Variants in ABCF1 observed in about 807,000 individuals in gnomAD.
ABCF1 encodes ATP-binding cassette sub-family F member 1.
Under a neutral mutation model 126.3 loss-of-function variants are expected in ABCF1, and 73 were observed. That is an observed-to-expected ratio of 0.58 (90% CI 0.48 to 0.70). The LOEUF is 0.70. Among genes scored for constraint, ABCF1 ranks in the 30% least tolerant of loss-of-function variants. ABCF1 has a pLI of 0.00. For synonymous variants in ABCF1, 345 were observed against 396.4 expected, an observed-to-expected ratio of 0.87 and a Z score of 1.54; for missense variants, 786 against 1,057.5, an observed-to-expected ratio of 0.74 and a Z score of 3.56.
intron 1 of ABCF1, among the ~76,000 whole-genome samples, chr6:30,573,339 G>A (rs1279854698): frequency 6.6e-6 from 1 of 152,234 alleles, no homozygotes; most frequent in Non-Finnish European, 1.5e-5. Flanking sequence ...AAGAGATAAG[G>A]TGAACTTCTG....
rs759114992 is a variant in ABCF1 at position 30,590,693 on chromosome 6, C to T, written c.2530C>T (p.Arg844Ter). 5.9e-6 allele frequency: 9 copies of T among 1,534,530 alleles called. No homozygotes were observed. Among genetic ancestry groups the T allele is most frequent in the East Asian group, 4.7e-5 (2 of 42,392 alleles). ...ALGEVMVSRP[R>*]E ...GGGTGAAGTCATGGTCAGCCGGCCC[C>T]GAGAGTGAGCTTTCCTTCCCAGAAG... The change falls in exon 25 of 25, where the codon CGA (arginine) becomes TGA (stop). Residue 844 changes from arginine to a stop codon, truncating the protein, a stop_gained. Transcript: ENST00000326195. LOFTEE classifies it high-confidence loss of function.
In ABCF1 at chr6:30,586,369, T is replaced by C. The variant is rs1802133785; in HGVS notation, c.1885+64T>C. 6.2e-7 allele frequency: 1 copy of C among 1,603,064 alleles called. No individual in the cohort carries two copies. The highest frequency in any genetic ancestry group is 1.3e-5 in the African/African-American group (1 of 74,530). ...CGGAAGCATGTATGTGCACCCTAAA[T>C]TCTCCACCAAGGCTGAGATTGCTCC... On this transcript the variant is annotated intron_variant, in intron 18 of 24. Transcript: ENST00000326195. The surrounding 1 kb of genome is among the most constrained non-coding windows in gnomAD (Gnocchi z 4.9).
chr6:30,585,979 C>G lies in ABCF1; in HGVS notation c.1701C>G (p.Ser567=). The change falls in exon 17 of 25, where the codon TCC becomes TCG. Residue 567 remains serine (S), a synonymous_variant. Coordinates refer to ENST00000326195, the MANE Select transcript of ABCF1 (RefSeq NM_001025091.2). ...AGGAGCTGAAGGCAGGCGGGAAGTC[C>G]ACCAAGCAGGCGGTGAGCACCTGAG... The part of the protein sequence containing the change: ...KLKELKAGGK[S]TKQAEKQTKE... 6.2e-7 allele frequency: 1 copy of G among 1,609,970 alleles called. No individual in the cohort carries two copies. Among genetic ancestry groups the G allele is most frequent in the Non-Finnish European group, 8.5e-7 (1 of 1,177,864 alleles).
intron 7 of ABCF1, among the ~76,000 whole-genome samples, 170 bp downstream of exon 7, chr6:30,580,175 C>G (rs552223658): frequency 1.3e-5 from 2 of 151,898 alleles, no homozygotes; most frequent in Admixed American, 6.6e-5. Context: ...AAAACCCCGT[C>G]TCTACTAAAA....
intron 1 of ABCF1, among the ~76,000 whole-genome samples, chr6:30,576,276 CTTTTTTTTTTTTT>C (rs9256927): frequency 2.9e-3 from 129 of 44,164 alleles, no homozygotes; most frequent in African/African-American, 0.011. Context: ...TCTGAGTGCT[CTTTTTTTTTTTTT>C]TTTTTTTTTT....
rs143648554 is a variant in ABCF1 at position 30,589,717 on chromosome 6, G to A, written c.2061G>A (p.Arg687=). ...ATGGGGAAATGAGAAAGAACCACCG[G>A]CTGGTAAGTTGGCATTGGGATTTAG... ...PTHGEMRKNH[R]LKIGFFNQQY... Residue 687 remains arginine (R), a synonymous_variant, in exon 21 of 25, where the codon CGG becomes CGA. Transcript: ENST00000326195. The A allele has an allele frequency of 5.3e-4, 858 of 1,614,222 alleles. No individual in the cohort carries two copies. Among genetic ancestry groups the A allele is most frequent in the Non-Finnish European group, 6.9e-4 (811 of 1,180,042 alleles).
At chr6:30,587,322 G>A (rs1299398269) in intron 20 of ABCF1, among the ~76,000 whole-genome samples, 1 of 151,936 alleles carries the variant, frequency 6.6e-6, no homozygotes, top group Non-Finnish European at 1.5e-5. Context: ...GGAGGCTGAG[G>A]CAGGCAGATC....
chr6:30,573,374 G>A (rs1313398996), intron 1 of ABCF1, among the ~76,000 whole-genome samples: 2 of 152,222 alleles, frequency 1.3e-5, no homozygotes, highest in African/African-American at 4.8e-5. Context: ...CGTTTCTGAG[G>A]ATTTCTAAAA....
At chr6:30,590,120 G>A (rs1260967124) in intron 22 of ABCF1, 29 bp from the exon 23 acceptor site, 2 of 1,612,878 alleles carry the variant, frequency 1.2e-6, no homozygotes, top group African/African-American at 1.3e-5. Flanking sequence ...GGTGCTAGGT[G>A]TGACAGCCCT....
At chr6:30,573,866 T>C (rs1474978912) in intron 1 of ABCF1, among the ~76,000 whole-genome samples, 1 of 152,182 alleles carries the variant, frequency 6.6e-6, no homozygotes, top group Non-Finnish European at 1.5e-5. Flanking sequence ...AAAGTGAAGC[T>C]TGTGAATTAC....
At position 30,577,390 on chromosome 6, in the gene ABCF1, T is replaced by C; in HGVS notation, c.74-19T>C. ...GGAATTTGCAGATAAGCATTCACGATGTCCGCTTAACTTTCTAGACAAAGT... is the reference window on the plus strand; with the variant it reads ...GGAATTTGCAGATAAGCATTCACGACGTCCGCTTAACTTTCTAGACAAAGT... On this transcript the variant is annotated intron_variant, in intron 1 of 24. Transcript: ENST00000326195. 3.1e-6 allele frequency: 5 copies of C among 1,613,782 alleles called. No individual in the cohort carries two copies. Among genetic ancestry groups the C allele is most frequent in the East Asian group, 2.2e-5 (1 of 44,886 alleles).
chr6:30,584,333 T>C lies in ABCF1; in HGVS notation c.1242+2T>C, dbSNP rs1318570938. 2 of 1,612,856 alleles carry C rather than the reference T, an allele frequency of 1.2e-6. No individual in the cohort carries two copies. Among genetic ancestry groups the C allele is most frequent in the Non-Finnish European group, 8.5e-7 (1 of 1,179,916 alleles). On this transcript the variant is annotated splice_donor_variant, in intron 13 of 24. Transcript: ENST00000326195. LOFTEE classifies it high-confidence loss of function. The surrounding 1 kb of genome is among the most constrained non-coding windows in gnomAD (Gnocchi z 4.6). ...ACAGCTGCTGAGAGGCTAGAGAAGGTAGAGGAGATGGCGCAGGGGACACGG... is the reference window on the plus strand; with the variant it reads ...ACAGCTGCTGAGAGGCTAGAGAAGGCAGAGGAGATGGCGCAGGGGACACGG...
intron 6 of ABCF1, among the ~76,000 whole-genome samples, chr6:30,578,784 G>A (rs907544167): frequency 3.9e-5 from 6 of 152,054 alleles, no homozygotes; most frequent in East Asian, 1.9e-4. Flanking sequence ...GGCGAATCAC[G>A]AGGTCAAGAG....
intron 20 of ABCF1, chr6:30,589,477 C>T (rs898196202): frequency 8.2e-6 from 5 of 606,166 alleles, no homozygotes; most frequent in Non-Finnish European, 8.7e-6. Context: ...GTGGCAGGCA[C>T]CTGTATTCCC....
Position 30,578,218 on chromosome 6 carries a change from G to C in ABCF1, c.343+16G>C, listed in dbSNP as rs1361321736. The C allele has an allele frequency of 6.2e-7, 1 of 1,613,652 alleles. No homozygotes were observed. Among genetic ancestry groups the C allele is most frequent in the Non-Finnish European group, 8.5e-7 (1 of 1,179,886 alleles). ...GAGGATGAAGGTAAATGACCTGAGG[G>C]GGAATGGGTACCTGGAATCCATGAG... On this transcript the variant is annotated intron_variant, in intron 4 of 24. Coordinates refer to ENST00000326195, the MANE Select transcript of ABCF1 (RefSeq NM_001025091.2).
chr6:30,578,408 G>C (rs764980170), intron 5 of ABCF1, 23 bp downstream of exon 5: 2 of 1,614,048 alleles, frequency 1.2e-6, no homozygotes, highest in Non-Finnish European at 1.7e-6. Context: ...TGTGGTAAAC[G>C]GAGACTCCAA....
intron 6 of ABCF1, 38 bp downstream of exon 6, chr6:30,578,615 T>A (rs1212333329): frequency 6.4e-7 from 1 of 1,563,274 alleles, no homozygotes; most frequent in Admixed American, 1.7e-5. Context: ...CTCACTCCAT[T>A]TAGCACCTTC....
Position 30,583,314 on chromosome 6 carries a change from C to G in ABCF1, c.915+126C>G, listed in dbSNP as rs1411705794. The G allele has an allele frequency of 2.1e-5, 28 of 1,344,460 alleles. No homozygotes were observed. Among genetic ancestry groups the G allele is most frequent in the Non-Finnish European group, 2.7e-5 (27 of 986,556 alleles). The allele number at this position is 1,344,460 out of a possible 1,614,324, so 83.3% of individuals were successfully genotyped here. ...GGGAAGAAAGATTGGAGGCATTTTC[C>G]ACACCTTAGGTTCTGCCAACTTGAG... On this transcript the variant is annotated intron_variant, in intron 10 of 24. Transcript: ENST00000326195. The surrounding 1 kb of genome is among the most constrained non-coding windows in gnomAD (Gnocchi z 4.1).
chr6:30,583,017 G>A lies in ABCF1; in HGVS notation c.793-49G>A, dbSNP rs575603283. The A allele has an allele frequency of 1.9e-5, 30 of 1,579,126 alleles. No individual in the cohort carries two copies. The highest frequency in any genetic ancestry group is 3.4e-5 in the Admixed American group (2 of 58,152). The stretch of plus-strand genomic sequence containing the variant: ...CAGCATGGGCTGTTTCATGGTGATG[G>A]GAAACTGGTAGACTGTGGCTTCAAA... On this transcript the variant is annotated intron_variant, in intron 9 of 24. Coordinates refer to ENST00000326195, the MANE Select transcript of ABCF1 (RefSeq NM_001025091.2). This position sits in a 1 kb window ranked among gnomAD's most constrained non-coding sequence, Gnocchi z 4.1.
Sources: gnomAD v4.1 joint callset for allele counts (sites outside exome capture counted in the v4.1 genomes callset) on GRCh38, gnomAD v4.1.1 for gene constraint, Gnocchi (gnomAD v3.1) non-coding constraint, MANE v1.5 for transcripts, NCBI Gene and HGNC (gene_info 2026-07-23, HGNC 2026-07-21) for gene names.